DRC11: variants seen among roughly 807,000 people sequenced by gnomAD.
DRC11 encodes the protein dynein regulatory complex subunit 11.
chr2:236,472,394 G>A, the DRC11 span, among the ~76,000 whole-genome samples: 1 of 152,160 alleles, frequency 6.6e-6, no homozygotes, highest in Non-Finnish European at 1.5e-5. The surrounding 1 kb of genome is among the most constrained non-coding windows in gnomAD (Gnocchi z 4.6). Context: ...TTGCTTTACA[G>A]GATCATATTT....
the DRC11 span, among the ~76,000 whole-genome samples, chr2:236,437,679 T>G: frequency 7.9e-5 from 12 of 151,846 alleles, no homozygotes; most frequent in African/African-American, 2.7e-4. Context: ...GATTTGCATT[T>G]CTCTGATGGC....
the DRC11 span, among the ~76,000 whole-genome samples, chr2:236,459,541 G>GTATATACGTA: frequency 1.4e-5 from 1 of 73,298 alleles, no homozygotes; most frequent in African/African-American, 5.0e-5. Flanking sequence ...ATACGTATAC[G>GTATATACGTA]TATACGTATA....
chr2:236,438,790 TA>T, the DRC11 span, among the ~76,000 whole-genome samples: 1 of 152,046 alleles, frequency 6.6e-6, no homozygotes, highest in African/African-American at 2.4e-5. Flanking sequence ...ACACCACACC[TA>T]TTCCAAAATT....
At chr2:236,459,598 T>TAC in the DRC11 span, among the ~76,000 whole-genome samples, 2 of 136,746 alleles carry the variant, frequency 1.5e-5, no homozygotes, top group African/African-American at 5.4e-5. Flanking sequence ...CGTATACGTA[T>TAC]ACATATATAC....
the DRC11 span, chr2:236,368,923 A>T: frequency 3.3e-5 from 5 of 152,454 alleles, no homozygotes; most frequent in East Asian, 9.6e-4. Flanking sequence ...AGAAGATATC[A>T]AAGGGCTTAA....
At chr2:236,444,562 C>T in the DRC11 span, among the ~76,000 whole-genome samples, 49 of 152,292 alleles carry the variant, frequency 3.2e-4, no homozygotes, top group African/African-American at 5.3e-4. Context: ...AGAGCCATTC[C>T]CTTGGCCACT....
the DRC11 span, among the ~76,000 whole-genome samples, chr2:236,417,749 C>A: frequency 2.0e-5 from 3 of 151,580 alleles, no homozygotes; most frequent in Admixed American, 6.6e-5. Context: ...CCCTAACAGG[C>A]CCCTGTGTGT....
the DRC11 span, among the ~76,000 whole-genome samples, chr2:236,459,555 G>GTA: frequency 2.5e-5 from 3 of 119,042 alleles, no homozygotes; most frequent in African/African-American, 9.6e-5. Flanking sequence ...ACGTATACAT[G>GTA]TATACGTATA....
chr2:236,362,361 C>T, the DRC11 span, among the ~76,000 whole-genome samples: 12 of 152,284 alleles, frequency 7.9e-5, no homozygotes, highest in East Asian at 5.8e-4. This position sits in a 1 kb window ranked among gnomAD's most constrained non-coding sequence, Gnocchi z 5.7. Context: ...CTAACTCCTC[C>T]TCTTCTTCCT....
the DRC11 span, among the ~76,000 whole-genome samples, chr2:236,417,485 T>C: frequency 6.6e-6 from 1 of 151,658 alleles, no homozygotes; most frequent in African/African-American, 2.4e-5. Flanking sequence ...CTCTCAACAG[T>C]CACTGTGGAT....
the DRC11 span, among the ~76,000 whole-genome samples, chr2:236,447,886 G>A: frequency 1.3e-5 from 2 of 151,298 alleles, no homozygotes; most frequent in African/African-American, 2.4e-5. This position sits in a 1 kb window ranked among gnomAD's most constrained non-coding sequence, Gnocchi z 4.6. Context: ...CTGGCCAGGG[G>A]AGGGTGGGGG....
At chr2:236,399,807 C>T in the DRC11 span, among the ~76,000 whole-genome samples, 30,533 of 152,006 alleles carry the variant, frequency 0.2, 3,338 homozygotes, top group Middle Eastern at 0.28. This position sits in a 1 kb window ranked among gnomAD's most constrained non-coding sequence, Gnocchi z 7.0. Flanking sequence ...TTTTTTGAGA[C>T]GGGGCTTAAA....
the DRC11 span, among the ~76,000 whole-genome samples, chr2:236,499,881 C>T: frequency 2.0e-5 from 3 of 152,224 alleles, no homozygotes; most frequent in African/African-American, 7.2e-5. The surrounding 1 kb of genome is among the most constrained non-coding windows in gnomAD (Gnocchi z 4.7). Flanking sequence ...GGGACTCTCT[C>T]TTCTACATTC....
chr2:236,474,725 C>T, the DRC11 span, among the ~76,000 whole-genome samples: 3 of 151,948 alleles, frequency 2.0e-5, no homozygotes, highest in African/African-American at 4.8e-5. Flanking sequence ...CATCATGTAC[C>T]TACCTATCCA....
chr2:236,375,638 G>T, the DRC11 span, among the ~76,000 whole-genome samples: 8 of 152,262 alleles, frequency 5.3e-5, no homozygotes, highest in East Asian at 1.5e-3. The surrounding 1 kb of genome is among the most constrained non-coding windows in gnomAD (Gnocchi z 4.2). Flanking sequence ...CTTGCAAAGG[G>T]ATTAAAATAA....
chr2:236,423,720 T>C, the DRC11 span, among the ~76,000 whole-genome samples: 3 of 152,200 alleles, frequency 2.0e-5, no homozygotes, highest in African/African-American at 7.2e-5. Context: ...CAAAGGGTTA[T>C]AAATCATGCT....
At chr2:236,490,875 T>C in the DRC11 span, among the ~76,000 whole-genome samples, 41 of 150,968 alleles carry the variant, frequency 2.7e-4, no homozygotes, top group Middle Eastern at 0.014. This position sits in a 1 kb window ranked among gnomAD's most constrained non-coding sequence, Gnocchi z 5.5. Flanking sequence ...GCTGCTTATA[T>C]ACAGTACGTA....
chr2:236,493,467 A>G, the DRC11 span, among the ~76,000 whole-genome samples: 1 of 152,244 alleles, frequency 6.6e-6, no homozygotes, highest in African/African-American at 2.4e-5. Flanking sequence ...TTCTGACTTC[A>G]GCTAGATGAA....
chr2:236,413,084 G>A, the DRC11 span, among the ~76,000 whole-genome samples: 8 of 152,314 alleles, frequency 5.3e-5, 1 homozygote, highest in South Asian at 1.7e-3. This position sits in a 1 kb window ranked among gnomAD's most constrained non-coding sequence, Gnocchi z 4.0. Flanking sequence ...TGCCACTCTG[G>A]TGCCTAAGAT....
Sources: allele counts gnomAD v4.1 joint callset (sites outside exome capture counted in the v4.1 genomes callset), GRCh38; gene constraint gnomAD v4.1.1; non-coding constraint Gnocchi (gnomAD v3.1); transcripts MANE v1.5; gene names NCBI Gene and HGNC (gene_info 2026-07-23, HGNC 2026-07-21).